Variants in AATK observed in about 807,000 individuals in gnomAD.
The protein encoded by AATK is lemur tail kinase 1.
A neutral mutation model predicts 114.3 loss-of-function variants in AATK; 91 were observed. The ratio of observed to expected loss-of-function variants is 0.80; its 90% CI spans 0.67 to 0.95. The LOEUF is 0.95. Ranked by LOEUF, AATK falls within the 40% of genes least tolerant of loss-of-function variation. AATK has a pLI of 0.00. For synonymous variants in AATK, 1,075 were observed against 916.5 expected, an observed-to-expected ratio of 1.17 and a Z score of -3.12; for missense variants, 2,176 against 1,965.2, an observed-to-expected ratio of 1.11 and a Z score of -2.03.
chr17:81,122,836 C>A lies in AATK; in HGVS notation c.1113-13G>T. 1 of 1,468,690 alleles carries A rather than the reference C, an allele frequency of 6.8e-7. No individual in the cohort carries two copies. Among genetic ancestry groups the A allele is most frequent in the South Asian group, 1.4e-5 (1 of 73,708 alleles). 91.0% of individuals were successfully genotyped at this position (1,468,690 alleles called of 1,614,324 possible). On this transcript the variant is annotated splice_polypyrimidine_tract_variant and intron_variant, in intron 10 of 13. Coordinates refer to ENST00000326724, the MANE Select transcript of AATK (RefSeq NM_001080395.3). ...CATCACCTCGTACCTGCGAGGAGGT[C>A]CCCCGGGGGCCACGTCAGAGGCAAC... is the stretch of plus-strand genomic sequence containing the variant.
At position 81,126,883 on chromosome 17, in the gene AATK, G is replaced by C. The variant is rs963851488; in HGVS notation, c.622-323C>G. 1.7e-5 allele frequency: 20 copies of C among 1,154,492 alleles called. No individual in the cohort carries two copies. The highest frequency in any genetic ancestry group is 2.1e-5 in the Non-Finnish European group (20 of 933,042). 71.5% of individuals were successfully genotyped at this position (1,154,492 alleles called of 1,614,324 possible). On this transcript the variant is annotated intron_variant, in intron 6 of 13. Coordinates refer to ENST00000326724, the MANE Select transcript of AATK (RefSeq NM_001080395.3). This position sits in a 1 kb window ranked among gnomAD's most constrained non-coding sequence, Gnocchi z 5.1. ...TTGATGGAGTCTGGGGCTGGTGGTC[G>C]AGGGTTGGCCGGCAGCCCCTGACCT...
intron 1 of AATK, among the ~76,000 whole-genome samples, chr17:81,155,220 C>T (rs1486802156): frequency 6.6e-6 from 1 of 152,178 alleles, no homozygotes; most frequent in Non-Finnish European, 1.5e-5. Context: ...TGGGCGACTG[C>T]ACGTGTGGCG....
At chr17:81,133,160 GC>G (rs1014011170) in intron 2 of AATK, 4 of 465,778 alleles carry the variant, frequency 8.6e-6, no homozygotes, top group Non-Finnish European at 8.8e-6. Flanking sequence ...CCACAGCTTT[GC>G]CCCCCAGGCA....
At chr17:81,138,884 C>T (rs551979716) in intron 1 of AATK, among the ~76,000 whole-genome samples, 15 of 151,992 alleles carry the variant, frequency 9.9e-5, no homozygotes, top group African/African-American at 3.1e-4. Flanking sequence ...CATACCCATA[C>T]ACGCACACAC....
intron 1 of AATK, among the ~76,000 whole-genome samples, chr17:81,153,085 G>A (rs369908312): frequency 2.6e-5 from 4 of 152,164 alleles, no homozygotes; most frequent in East Asian, 1.9e-4. Context: ...CAGGTGATCC[G>A]CCTGCCTCGG....
At chr17:81,125,169 G>C in intron 7 of AATK, 155 bp from the exon 8 acceptor site, 1 of 714,170 alleles carries the variant, frequency 1.4e-6, no homozygotes, top group Non-Finnish European at 2.4e-6. Context: ...AGGCTGGAAG[G>C]GGCGTTGGAG....
Position 81,123,224 on chromosome 17 carries a change from G to A in AATK, c.1082C>T (p.Pro361Leu). Residue 361 changes from proline (P) to leucine (L), a missense_variant, in exon 10 of 14, where the codon CCC (proline) becomes CTC (leucine). Pro to Leu is a moderately conservative substitution (Grantham distance 98). This residue lies in a region of AATK where 273 missense variants were observed against 344.1 expected (regional missense o/e 0.79). Coordinates refer to ENST00000326724, the MANE Select transcript of AATK (RefSeq NM_001080395.3). The stretch of plus-strand genomic sequence containing the variant: ...GTCCGACAGGGTCAGCTGCAGCTGG[G>A]GCTTGGGCAGCTTGAGCTGCTGCTC... ...VREQQLKLPK[P>L]QLQLTLSDRW... 7.0e-7 allele frequency: 1 copy of A among 1,424,346 alleles called. No individual in the cohort carries two copies. The highest frequency in any genetic ancestry group is 9.2e-7 in the Non-Finnish European group (1 of 1,090,030). 88.2% of individuals were successfully genotyped at this position (1,424,346 alleles called of 1,614,324 possible). A position where few individuals can be genotyped will look rare whatever the true frequency, so the allele number is the denominator to read the frequency against.
intron 1 of AATK, among the ~76,000 whole-genome samples, chr17:81,158,180 G>A (rs2061389579): frequency 6.6e-6 from 1 of 152,238 alleles, no homozygotes; most frequent in African/African-American, 2.4e-5. Context: ...TGACGCGCTA[G>A]TTCAGGCTCC....
rs1323888127 is a variant in AATK at position 81,165,762 on chromosome 17, C to T, written c.55+176G>A. 4 of 1,517,338 alleles carry T rather than the reference C, an allele frequency of 2.6e-6. No homozygotes were observed. The African/African-American group carries it at 5.6e-5, about 21-fold the overall frequency. The allele number at this position is 1,517,338 out of a possible 1,614,324, so 94.0% of individuals were successfully genotyped here. On this transcript the variant is annotated intron_variant, in intron 1 of 13. Coordinates refer to ENST00000326724, the MANE Select transcript of AATK (RefSeq NM_001080395.3). ...GGCGGAGGCCGGTTTGTGCTGGGGC[C>T]CAGGGCCTGCCCCTCCGAGATCTGG...
chr17:81,146,208 A>G (rs2061217991), intron 1 of AATK, among the ~76,000 whole-genome samples: 1 of 151,710 alleles, frequency 6.6e-6, no homozygotes, highest in African/African-American at 2.4e-5. Context: ...AAAAAAAGAA[A>G]AAATTAGCTG....
intron 1 of AATK, among the ~76,000 whole-genome samples, chr17:81,141,567 G>T (rs979328839): frequency 4.6e-5 from 7 of 152,208 alleles, no homozygotes; most frequent in Non-Finnish European, 1.0e-4. Flanking sequence ...CTTCCAAGGG[G>T]CTCCCCAGCA....
chr17:81,126,366 T>A lies in AATK; in HGVS notation c.755+61A>T, dbSNP rs1271852147. 4.0e-6 allele frequency: 6 copies of A among 1,512,724 alleles called. No individual in the cohort carries two copies. Among genetic ancestry groups the A allele is most frequent in the Non-Finnish European group, 5.3e-6 (6 of 1,123,602 alleles). 93.7% of individuals were successfully genotyped at this position (1,512,724 alleles called of 1,614,324 possible). A position where few individuals can be genotyped will look rare whatever the true frequency, so the allele number is the denominator to read the frequency against. Reference sequence around the variant, plus strand: ...CTGAGGCAGGACCCGCCCTATGCCCTTCCTTCAGGGGAGGGGCCTGGCCTA... The same window carrying A: ...CTGAGGCAGGACCCGCCCTATGCCCATCCTTCAGGGGAGGGGCCTGGCCTA... On this transcript the variant is annotated intron_variant, in intron 7 of 13. Coordinates refer to ENST00000326724, the MANE Select transcript of AATK (RefSeq NM_001080395.3). The surrounding 1 kb of genome is among the most constrained non-coding windows in gnomAD (Gnocchi z 5.1).
At chr17:81,156,781 A>G (rs1271541448) in intron 1 of AATK, among the ~76,000 whole-genome samples, 1 of 152,336 alleles carries the variant, frequency 6.6e-6, no homozygotes. Context: ...TTCCACACTC[A>G]GGATGATGGC....
chr17:81,134,224 G>T, intron 2 of AATK, 144 bp downstream of exon 2: 2 of 1,083,676 alleles, frequency 1.8e-6, no homozygotes, highest in Non-Finnish European at 2.6e-6. Context: ...GGGTCCACGT[G>T]GTCCCCAGGT....
chr17:81,120,940 G>A lies in AATK; in HGVS notation c.2996C>T (p.Ser999Leu), dbSNP rs1240322903. The A allele has an allele frequency of 6.2e-7, 1 of 1,607,254 alleles. No homozygotes were observed. The highest frequency in any genetic ancestry group is 1.7e-5 in the Admixed American group (1 of 59,368). ...GGCCTCGGCCTCAGCCTCGAGGTCT[G>A]AGAAGTAGGCAGAGTCTCGGTAGGG... is the stretch of plus-strand genomic sequence containing the variant. ...KNPYRDSAYF[S>L]DLEAEAEATS... The change falls in exon 11 of 14, where the codon TCA (serine) becomes TTA (leucine). Residue 999 changes from serine (S) to leucine (L), a missense_variant. Around this residue, in one of 4 missense-constraint regions of AATK, gnomAD observed 1,701 missense variants for 1,394.7 expected, o/e 1.22. Coordinates refer to ENST00000326724, the MANE Select transcript of AATK (RefSeq NM_001080395.3).
chr17:81,120,654 G>C lies in AATK; in HGVS notation c.3282C>G (p.Ser1094Arg). Reference protein sequence around the residue: ...QGPAKVRPGPSPSCSQFFLLT... With the variant: ...QGPAKVRPGPRPSCSQFFLLT... ...GCAGGAAAAACTGGGAGCAGCTGGGGCTGGGCCCAGGCCGCACCTTGGCTG... is the reference window on the plus strand; with the variant it reads ...GCAGGAAAAACTGGGAGCAGCTGGGCCTGGGCCCAGGCCGCACCTTGGCTG... Residue 1094 changes from serine to arginine, a missense_variant, in exon 11 of 14, where the codon AGC becomes AGG. By Grantham distance (110) the Ser-to-Arg change is moderately radical. Coordinates refer to ENST00000326724, the MANE Select transcript of AATK (RefSeq NM_001080395.3). 6.6e-7 allele frequency: 1 copy of C among 1,526,288 alleles called. No individual in the cohort carries two copies. The highest frequency in any genetic ancestry group is 8.8e-7 in the Non-Finnish European group (1 of 1,141,172). 94.5% of individuals were successfully genotyped at this position (1,526,288 alleles called of 1,614,324 possible). A position where few individuals can be genotyped will look rare whatever the true frequency, so the allele number is the denominator to read the frequency against.
chr17:81,160,593 T>C (rs2061419383), intron 1 of AATK, among the ~76,000 whole-genome samples: 1 of 152,200 alleles, frequency 6.6e-6, no homozygotes, highest in African/African-American at 2.4e-5. Flanking sequence ...CACTGTGGCC[T>C]GCGGAGGGGA....
At chr17:81,125,867 A>G in intron 7 of AATK, 1 of 466,278 alleles carries the variant, frequency 2.1e-6, no homozygotes, top group Non-Finnish European at 4.5e-6. Context: ...GCAGGTCGGG[A>G]GGCTGGCAGC....
chr17:81,126,337 C>A lies in AATK; in HGVS notation c.755+90G>T, dbSNP rs1374921589. 8 of 1,442,010 alleles carry A rather than the reference C, an allele frequency of 5.5e-6. No individual in the cohort carries two copies. The highest frequency in any genetic ancestry group is 7.4e-6 in the Non-Finnish European group (8 of 1,081,536). The allele number at this position is 1,442,010 out of a possible 1,614,324, so 89.3% of individuals were successfully genotyped here. ...GATGAACCTGGCCGGTCCTCGCAAG[C>A]CCCCTGAGGCAGGACCCGCCCTATG... is the stretch of plus-strand genomic sequence containing the variant. On this transcript the variant is annotated intron_variant, in intron 7 of 13. Transcript: ENST00000326724. The surrounding 1 kb of genome is among the most constrained non-coding windows in gnomAD (Gnocchi z 5.1).
Sources: allele counts gnomAD v4.1 joint callset (sites outside exome capture counted in the v4.1 genomes callset), GRCh38; gene constraint gnomAD v4.1.1; regional missense constraint gnomAD v4.1.1; non-coding constraint Gnocchi (gnomAD v3.1); transcripts MANE v1.5; gene names NCBI Gene and HGNC (gene_info 2026-07-23, HGNC 2026-07-21).